Variants in LTBP4 observed in about 807,000 individuals in gnomAD.
LTBP4 encodes the protein latent-transforming growth factor beta-binding protein 4.
In LTBP4, 93 loss-of-function variants were observed where a neutral mutation model predicts 180.2. The ratio of observed to expected loss-of-function variants is 0.52; its 90% CI spans 0.44 to 0.61. The LOEUF (loss-of-function observed/expected upper bound fraction) is 0.61. Among genes scored for constraint, LTBP4 ranks in the 20% least tolerant of loss-of-function variants. The pLI, the probability that LTBP4 is intolerant of heterozygous loss-of-function variation, is 0.00. For synonymous variants in LTBP4, 947 were observed against 934.5 expected, an observed-to-expected ratio of 1.01 and a Z score of -0.24; for missense variants, 2,116 against 2,256.5, an observed-to-expected ratio of 0.94 and a Z score of 1.26.
Position 40,617,003 on chromosome 19 carries a change from C to T in LTBP4, c.2927C>T (p.Pro976Leu), listed in dbSNP as rs1173366671. 5 of 1,613,332 alleles carry T rather than the reference C, an allele frequency of 3.1e-6. No homozygotes were observed. In the African/African-American group the frequency reaches 6.7e-5, roughly 22 times the overall value. ...PACDPGYQPTPGGGCQDVDEC... is the reference protein window; with the variant it reads ...PACDPGYQPTLGGGCQDVDEC... ...TGTGACCCTGGCTATCAGCCCACGC[C>T]AGGGGGCGGATGCCAGGGTGGGTGT... The change falls in exon 20 of 30, where the codon CCA (proline) becomes CTA (leucine). Residue 976 changes from proline (P) to leucine (L), a missense_variant. Physicochemically the swap from Pro to Leu is moderately conservative, Grantham distance 98. Around this residue, in one of 5 missense-constraint regions of LTBP4, gnomAD observed 877 missense variants for 873.6 expected, o/e 1.00. Coordinates refer to ENST00000396819, the MANE Select transcript of LTBP4 (RefSeq NM_001042545.2).
intron 6 of LTBP4, 86 bp from the exon 7 acceptor site, chr19:40,607,279 C>CCCCCCAACAA: frequency 1.8e-6 from 2 of 1,126,376 alleles, no homozygotes; most frequent in Non-Finnish European, 2.5e-6. Flanking sequence ...CCCCCAACCC[C>CCCCCCAACAA]AGAACCATTC....
chr19:40,602,191 G>A (rs2081429167), intron 1 of LTBP4, among the ~76,000 whole-genome samples: 1 of 149,854 alleles, frequency 6.7e-6, no homozygotes, highest in Non-Finnish European at 1.5e-5. Context: ...GTGGCGGCGG[G>A]GGTGGGGTGG....
intron 25 of LTBP4, 28 bp downstream of exon 25, chr19:40,623,760 G>A: frequency 5.6e-6 from 9 of 1,610,610 alleles, no homozygotes; most frequent in Non-Finnish European, 7.6e-6. Context: ...CCCAACCCCC[G>A]GCAACTCTCT....
chr19:40,598,700 A>C (rs970239617), upstream of LTBP4: 4 of 210,486 alleles, frequency 1.9e-5, no homozygotes, highest in Non-Finnish European at 2.0e-5. Context: ...CCACCTCAGC[A>C]CCCTGCTGGA....
rs564871568 is a variant in LTBP4, at chr19:40,613,108, C to T, written c.2343C>T (p.His781=). ...CSSGAPPCGP[H]GHCTNTEGSF... ...CGGGTGCCCCTCCCTGTGGTCCCCA[C>T]GGCCACTGCACTAACACCGAAGGCT... Residue 781 remains histidine (H), a synonymous_variant, in exon 16 of 30, where the codon CAC becomes CAT. Transcript: ENST00000396819. The surrounding 1 kb of genome is among the most constrained non-coding windows in gnomAD (Gnocchi z 5.0). The T allele has an allele frequency of 8.7e-6, 14 of 1,608,522 alleles. No homozygotes were observed. Among genetic ancestry groups the T allele is most frequent in the Non-Finnish European group, 1.0e-5 (12 of 1,177,624 alleles).
chr19:40,594,772 T>C (rs1358189649), intron 1 of LTBP4, among the ~76,000 whole-genome samples: 2 of 152,074 alleles, frequency 1.3e-5, no homozygotes, highest in Non-Finnish European at 2.9e-5. Context: ...GACCCAGATT[T>C]CTGGGTGTCA....
chr19:40,602,870 G>A (rs1332452733), intron 1 of LTBP4, among the ~76,000 whole-genome samples: 1 of 152,164 alleles, frequency 6.6e-6, no homozygotes, highest in East Asian at 1.9e-4. Context: ...TGGAGCCTGG[G>A]AAATACCCTC....
chr19:40,607,718 C>T (rs912731992), intron 7 of LTBP4, among the ~76,000 whole-genome samples, 189 bp downstream of exon 7: 4 of 152,210 alleles, frequency 2.6e-5, no homozygotes, highest in African/African-American at 4.8e-5. Context: ...CATCTGTAGC[C>T]ACAGCCACCC....
rs758460397 is a variant in LTBP4 at position 40,611,116 on chromosome 19, G to A, written c.1811-36G>A. The A allele has an allele frequency of 1.2e-6, 2 of 1,609,434 alleles. No homozygotes were observed. Among genetic ancestry groups the A allele is most frequent in the African/African-American group, 1.3e-5 (1 of 74,940 alleles). On this transcript the variant is annotated intron_variant, in intron 12 of 29. Transcript: ENST00000396819. This position sits in a 1 kb window ranked among gnomAD's most constrained non-coding sequence, Gnocchi z 4.4. ...AGTGACAGAGGTCAGGGAGGCAGAG[G>A]GGAACAAGTGACCCCGGGCCCCCTG...
rs779892228 is a variant in LTBP4 at position 40,613,152 on chromosome 19, C to G, written c.2387C>G (p.Ala796Gly). Reference protein sequence around the residue: ...NTEGSFRCSCAPGYRAPSGRP... With the variant: ...NTEGSFRCSCGPGYRAPSGRP... ...GAAGGCTCCTTCCGCTGCAGCTGCG[C>G]GCCAGGCTACCGGGCGCCGTCGGGT... is the stretch of plus-strand genomic sequence containing the variant. The change falls in exon 16 of 30, where the codon GCG becomes GGG. Residue 796 changes from alanine (A) to glycine (G), a missense_variant. Physicochemically the swap from Ala to Gly is moderately conservative, Grantham distance 60 (BLOSUM62 0). This residue lies in a region of LTBP4 where 877 missense variants were observed against 873.6 expected (regional missense o/e 1.00). Transcript: ENST00000396819. This position sits in a 1 kb window ranked among gnomAD's most constrained non-coding sequence, Gnocchi z 5.0. The G allele has an allele frequency of 3.0e-5, 47 of 1,590,972 alleles. No individual in the cohort carries two copies. The highest frequency in any genetic ancestry group is 3.8e-5 in the Non-Finnish European group (44 of 1,169,120).
At position 40,623,694 on chromosome 19, in the gene LTBP4, A is replaced by ACGGCTACTACTACCACACACAG; in HGVS notation, c.3653_3674dup (p.Glu1226LeufsTer13). 6.2e-7 allele frequency: 1 copy of ACGGCTACTACTACCACACACAG among 1,613,898 alleles called. No individual in the cohort carries two copies. Among genetic ancestry groups the ACGGCTACTACTACCACACACAG allele is most frequent in the Non-Finnish European group, 8.5e-7 (1 of 1,179,888 alleles). ...CCGGGCTACTCATGCTATTGCAGCA[A>ACGGCTACTACTACCACACACAG]CGGCTACTACTACCACACACAGCGG... On this transcript the variant is annotated frameshift_variant, in exon 25 of 30. Transcript: ENST00000396819. LOFTEE classifies it high-confidence loss of function.
Position 40,609,786 on chromosome 19 carries a change from C to A in LTBP4, c.1599C>A (p.Pro533=). The change falls in exon 11 of 30, where the codon CCC becomes CCA. Residue 533 remains proline, a synonymous_variant. Transcript: ENST00000396819. The surrounding 1 kb of genome is among the most constrained non-coding windows in gnomAD (Gnocchi z 4.9). ...GCCGCGTGCCCCCGCCCTGTGCTCC[C>A]GGGCGCTGCGAGAACTCACCAGGCA... ...ECRRVPPPCA[P]GRCENSPGSF... The A allele has an allele frequency of 1.2e-6, 2 of 1,611,602 alleles. No individual in the cohort carries two copies. Among genetic ancestry groups the A allele is most frequent in the Non-Finnish European group, 1.7e-6 (2 of 1,178,850 alleles).
At chr19:40,599,463 G>T (rs898661949), upstream of LTBP4, 1 of 1,613,864 alleles carries the variant, frequency 6.2e-7, no homozygotes, top group Admixed American at 1.7e-5. Context: ...AAGTGTGCAG[G>T]CCCCCAGCGG....
In LTBP4 at chr19:40,608,318, G is replaced by A. The variant is rs1372275308; in HGVS notation, c.1255G>A (p.Val419Met). ...TRPLGQEPPRVSLSQPRTLPA... is the reference protein window; with the variant it reads ...TRPLGQEPPRMSLSQPRTLPA... ...ACCCCTGGGCCAGGAGCCACCCCGAGTGTCACTCAGCCAGCCTCGTACCCT... is the reference window on the plus strand; with the variant it reads ...ACCCCTGGGCCAGGAGCCACCCCGAATGTCACTCAGCCAGCCTCGTACCCT... Residue 419 changes from valine to methionine, a missense_variant, in exon 8 of 30, where the codon GTG (valine) becomes ATG (methionine). Transcript: ENST00000396819. The A allele has an allele frequency of 6.2e-7, 1 of 1,613,764 alleles. No homozygotes were observed. The highest frequency in any genetic ancestry group is 8.5e-7 in the Non-Finnish European group (1 of 1,179,860).
chr19:40,627,474 A>T, intron 28 of LTBP4, 119 bp downstream of exon 28: 1 of 1,327,222 alleles, frequency 7.5e-7, no homozygotes. Context: ...GGAGAGAGCC[A>T]CAGAAAGGGA....
chr19:40,600,221 C>T (rs772982868), upstream of LTBP4: 233 of 1,158,312 alleles, frequency 2.0e-4, no homozygotes, highest in Non-Finnish European at 2.4e-4. This position sits in a 1 kb window ranked among gnomAD's most constrained non-coding sequence, Gnocchi z 4.4. Context: ...AGGGGGGTTC[C>T]GGGCCAGATA....
intron 1 of LTBP4, among the ~76,000 whole-genome samples, chr19:40,595,632 C>T (rs914628081): frequency 7.9e-5 from 12 of 152,228 alleles, no homozygotes; most frequent in South Asian, 6.2e-4. Context: ...CCGGTGTGGA[C>T]GGGGTTTAAG....
chr19:40,596,012 C>A (rs894786810), intron 1 of LTBP4, among the ~76,000 whole-genome samples: 4 of 141,284 alleles, frequency 2.8e-5, no homozygotes, highest in Non-Finnish European at 6.0e-5. Context: ...CCTCCACCTC[C>A]TGGGTTCAAA....
Position 40,629,021 on chromosome 19 carries a change from TG to T in LTBP4, c.4520-374del, listed in dbSNP as rs1412229605. 6.6e-6 allele frequency among the ~76,000 whole-genome samples: 1 copy of T among 151,948 alleles called. No individual in the cohort carries two copies. Among genetic ancestry groups the T allele is most frequent in the Admixed American group, 6.6e-5 (1 of 15,258 alleles). On this transcript the variant is annotated intron_variant, in intron 29 of 29. Coordinates refer to ENST00000396819, the MANE Select transcript of LTBP4 (RefSeq NM_001042545.2). This position sits in a 1 kb window ranked among gnomAD's most constrained non-coding sequence, Gnocchi z 4.5. Reference sequence around the variant, plus strand: ...CCCGCCACCATGCCTGGCTAATTTTTGTATTCTTAGTAGAGACGGGGTCTCA... The same window carrying T: ...CCCGCCACCATGCCTGGCTAATTTTTTATTCTTAGTAGAGACGGGGTCTCA...
Sources: allele counts gnomAD v4.1 joint callset (sites outside exome capture counted in the v4.1 genomes callset), GRCh38; gene constraint gnomAD v4.1.1; regional missense constraint gnomAD v4.1.1; non-coding constraint Gnocchi (gnomAD v3.1); transcripts MANE v1.5; gene names NCBI Gene and HGNC (gene_info 2026-07-23, HGNC 2026-07-21).